Variants in ERBB4 observed in about 807,000 individuals in gnomAD.
The protein encoded by ERBB4 is receptor tyrosine-protein kinase erbB-4.
A neutral mutation model predicts 158.0 loss-of-function variants in ERBB4; 42 were observed. That is an observed-to-expected ratio of 0.27 (90% CI 0.21 to 0.34). The LOEUF (loss-of-function observed/expected upper bound fraction) is 0.34, where lower values mean the gene tolerates loss of function less well. Ranked by LOEUF, ERBB4 falls within the 10% of genes least tolerant of loss-of-function variation. ERBB4 has a pLI of 1.00. For missense variants in ERBB4, 1,333 were observed against 1,624.1 expected, an observed-to-expected ratio of 0.82 and a Z score of 3.08; for synonymous variants, 583 against 558.7, an observed-to-expected ratio of 1.04 and a Z score of -0.61.
chr2:212,136,838 G>A (rs990972806), intron 1 of ERBB4, among the ~76,000 whole-genome samples: 8 of 152,088 alleles, frequency 5.3e-5, no homozygotes, highest in African/African-American at 1.9e-4. Context: ...TTGACTGACA[G>A]TCTTTACTGT....
intron 2 of ERBB4, among the ~76,000 whole-genome samples, chr2:212,088,127 A>G (rs2078669614): frequency 6.6e-6 from 1 of 152,168 alleles, no homozygotes; most frequent in South Asian, 2.1e-4. Context: ...CTGCTGGGAA[A>G]AGGCTATCAA....
chr2:211,665,578 A>G, intron 14 of ERBB4, 101 bp from the exon 15 acceptor site: 7 of 1,087,824 alleles, frequency 6.4e-6, no homozygotes, highest in African/African-American at 1.6e-5. Context: ...GTAGGTGGCA[A>G]ATCTTCCTCT....
chr2:211,753,282 A>G lies in ERBB4; in HGVS notation c.557-2578T>C, dbSNP rs948297559. Among the ~76,000 whole-genome samples the G allele has an allele frequency of 5.3e-5, 8 of 151,870 alleles. No individual in the cohort carries two copies. In the East Asian group the frequency reaches 1.5e-3, roughly 29 times the overall value. On this transcript the variant is annotated intron_variant, in intron 4 of 27. Coordinates refer to ENST00000342788, the MANE Select transcript of ERBB4 (RefSeq NM_005235.3). ...TAGTAATTATCTGCCTAGCATAGAA[A>G]AAAAAAAACAAAATTTCCTATAAGC...
intron 5 of ERBB4, among the ~76,000 whole-genome samples, chr2:211,742,733 T>C (rs1434930438): frequency 6.6e-6 from 1 of 152,050 alleles, no homozygotes; most frequent in African/African-American, 2.4e-5. Context: ...TATTCTATAA[T>C]GTCTGTATGG....
chr2:211,887,904 T>C (rs1262172028), intron 3 of ERBB4, among the ~76,000 whole-genome samples: 4 of 152,208 alleles, frequency 2.6e-5, no homozygotes, highest in African/African-American at 9.6e-5. Flanking sequence ...TTCAAATATC[T>C]TCTACTTTCC....
chr2:212,157,187 G>A (rs1014638405), intron 1 of ERBB4, among the ~76,000 whole-genome samples: 4 of 151,890 alleles, frequency 2.6e-5, no homozygotes, highest in African/African-American at 9.7e-5. Context: ...ATATACTGAC[G>A]TTTTCCCCAG....
chr2:212,324,412 C>T (rs1010523872), intron 1 of ERBB4, among the ~76,000 whole-genome samples: 11 of 150,118 alleles, frequency 7.3e-5, no homozygotes, highest in Non-Finnish European at 1.6e-4. Context: ...ATTATTTAAC[C>T]CAATCATTGT....
intron 20 of ERBB4, among the ~76,000 whole-genome samples, chr2:211,528,198 A>G (rs1210254322): frequency 6.6e-6 from 1 of 152,026 alleles, no homozygotes; most frequent in East Asian, 1.9e-4. Flanking sequence ...AAAAAGAGCA[A>G]GAGTTGCTAT....
chr2:212,270,136 A>G (rs1379381479), intron 1 of ERBB4, among the ~76,000 whole-genome samples: 1 of 151,850 alleles, frequency 6.6e-6, no homozygotes, highest in African/African-American at 2.4e-5. Flanking sequence ...CAGAACTGTC[A>G]TTAATAATAT....
rs1391531223 is a variant in ERBB4, at chr2:211,380,198, C to T, written c.*3417G>A. On this transcript the variant is annotated 3_prime_UTR_variant, in exon 28 of 28. Transcript: ENST00000342788. The stretch of plus-strand genomic sequence containing the variant: ...CTGGAGAAAGGATTCTCATCCTAAG[C>T]TGTGCTACTAATACTATGCAGAAAA... 4.3e-6 allele frequency: 1 copy of T among 232,114 alleles called. No homozygotes were observed. The highest frequency in any genetic ancestry group is 8.5e-6 in the Non-Finnish European group (1 of 117,428). 14.4% of individuals were successfully genotyped at this position (232,114 alleles called of 1,614,324 possible). A position where few individuals can be genotyped will look rare whatever the true frequency, so the allele number is the denominator to read the frequency against.
intron 1 of ERBB4, among the ~76,000 whole-genome samples, chr2:212,506,197 T>A (rs998903582): frequency 2.7e-5 from 4 of 148,736 alleles, no homozygotes; most frequent in Non-Finnish European, 6.1e-5. Context: ...CAAACTTAAT[T>A]AATAAATAGG....
intron 4 of ERBB4, among the ~76,000 whole-genome samples, chr2:211,768,999 AACAAT>A (rs1295670548): frequency 2.0e-5 from 3 of 152,152 alleles, no homozygotes; most frequent in African/African-American, 7.2e-5. Context: ...TCAAATTCCA[AACAAT>A]ATCTTTGTGA....
chr2:212,121,861 C>T lies in ERBB4; in HGVS notation c.234+2891G>A, dbSNP rs79429812. On this transcript the variant is annotated intron_variant, in intron 2 of 27. Coordinates refer to ENST00000342788, the MANE Select transcript of ERBB4 (RefSeq NM_005235.3). ...CATTGAAATGCCCTTCTCTTACAAC[C>T]CACTCACCTCTTGAGTTTCTGTTCA... Among the ~76,000 whole-genome samples, 1,305 of 152,136 alleles carry T rather than the reference C, an allele frequency of 8.6e-3. 18 individuals are homozygous for T. Among genetic ancestry groups the T allele is most frequent in the African/African-American group, 0.03 (1,242 of 41,504 alleles).
chr2:211,977,531 TAAAAA>T (rs370595284), intron 2 of ERBB4, among the ~76,000 whole-genome samples: 9 of 67,622 alleles, frequency 1.3e-4, no homozygotes, highest in East Asian at 1.1e-3. Flanking sequence ...ATATTGACTT[TAAAAA>T]AAAAAAAAAA....
chr2:212,474,822 C>CTTTTTTTTTTTTTTTTTTTTT lies in ERBB4; in HGVS notation c.82+63626_82+63627insAAAAAAAAAAAAAAAAAAAAA, dbSNP rs539959668. Among the ~76,000 whole-genome samples the CTTTTTTTTTTTTTTTTTTTTT allele has an allele frequency of 1.2e-3, 113 of 94,408 alleles. 16 individuals carry two copies. Among genetic ancestry groups the CTTTTTTTTTTTTTTTTTTTTT allele is most frequent in the African/African-American group, 3.8e-3 (63 of 16,428 alleles). The allele number at this position is 94,408 out of a possible 152,430, so 61.9% of individuals were successfully genotyped here. A position where few individuals can be genotyped will look rare whatever the true frequency, so the allele number is the denominator to read the frequency against. On this transcript the variant is annotated intron_variant, in intron 1 of 27. Coordinates refer to ENST00000342788, the MANE Select transcript of ERBB4 (RefSeq NM_005235.3). Reference sequence around the variant, plus strand: ...CACCATTTCCTGACACCCGGCCATTCTTTTTTTTTTTTTTTTTTGTCAAGA... The same window carrying CTTTTTTTTTTTTTTTTTTTTT: ...CACCATTTCCTGACACCCGGCCATTCTTTTTTTTTTTTTTTTTTTTTTTTTTTTTTTTTTTTTTTGTCAAGA...
At chr2:212,133,146 T>A (rs1216926939) in intron 1 of ERBB4, among the ~76,000 whole-genome samples, 1 of 152,130 alleles carries the variant, frequency 6.6e-6, no homozygotes, top group Non-Finnish European at 1.5e-5. Flanking sequence ...TTTATGTTTA[T>A]TCATTCTCCA....
At chr2:212,145,477 T>A (rs1032631012) in intron 1 of ERBB4, among the ~76,000 whole-genome samples, 2 of 152,138 alleles carry the variant, frequency 1.3e-5, no homozygotes, top group Non-Finnish European at 2.9e-5. Flanking sequence ...AATAATTAAC[T>A]TACCCCAGAA....
intron 1 of ERBB4, among the ~76,000 whole-genome samples, chr2:212,203,111 T>C (rs1443025187): frequency 6.6e-6 from 1 of 151,976 alleles, no homozygotes; most frequent in Non-Finnish European, 1.5e-5. Flanking sequence ...GGGAATCAAC[T>C]AGAAATAAAA....
intron 1 of ERBB4, among the ~76,000 whole-genome samples, chr2:212,525,265 C>T (rs189533706): frequency 4.3e-4 from 66 of 151,946 alleles, no homozygotes; most frequent in Admixed American, 3.8e-3. Context: ...AAACATTTCA[C>T]CTTGACTGGT....
Sources: allele counts gnomAD v4.1 joint callset (sites outside exome capture counted in the v4.1 genomes callset), GRCh38; gene constraint gnomAD v4.1.1; transcripts MANE v1.5; gene names NCBI Gene and HGNC (gene_info 2026-07-23, HGNC 2026-07-21).